The following CSMD3 variants were observed in gnomAD, a reference collection of about 807,000 sequenced individuals.
CSMD3 encodes the protein CUB and Sushi multiple domains 3.
CSMD3 carries 177 observed loss-of-function variants against 435.2 expected under a neutral mutation model. The observed-to-expected ratio is 0.41, with a 90% CI of 0.36 to 0.46. The LOEUF (loss-of-function observed/expected upper bound fraction) is 0.46, where lower values mean the gene tolerates loss of function less well. Among genes scored for constraint, CSMD3 ranks in the 20% least tolerant of loss-of-function variants. The pLI, the probability that CSMD3 is intolerant of heterozygous loss-of-function variation, is 0.34. For missense variants in CSMD3, 4,265 were observed against 4,504.6 expected, an observed-to-expected ratio of 0.95 and a Z score of 1.52; for synonymous variants, 1,656 against 1,520.5, an observed-to-expected ratio of 1.09 and a Z score of -2.07.
intron 13 of CSMD3, among the ~76,000 whole-genome samples, chr8:112,723,908 C>T (rs57061455): frequency 0.014 from 2,096 of 151,940 alleles, 52 homozygotes; most frequent in African/African-American, 0.049. Context: ...CCACTCTAAG[C>T]CATGTATTGT....
At chr8:112,227,998 T>A (rs1394343085) in intron 70 of CSMD3, among the ~76,000 whole-genome samples, 1 of 152,068 alleles carries the variant, frequency 6.6e-6, no homozygotes, top group South Asian at 2.1e-4. Flanking sequence ...GCCGAGATTG[T>A]GCCACTGCAC....
At chr8:112,255,529 GAT>G in intron 61 of CSMD3, 102 bp from the exon 62 acceptor site, 1 of 1,013,966 alleles carries the variant, frequency 9.9e-7, no homozygotes, top group East Asian at 2.5e-5. Context: ...GTACTAAAGA[GAT>G]ATATTATTCA....
At chr8:113,306,426 A>C (rs2093821909) in intron 2 of CSMD3, among the ~76,000 whole-genome samples, 1 of 152,166 alleles carries the variant, frequency 6.6e-6, no homozygotes, top group African/African-American at 2.4e-5. Flanking sequence ...AGGTAGAGTT[A>C]AATCACTGGA....
chr8:112,961,730 A>G (rs1207993873), intron 7 of CSMD3, among the ~76,000 whole-genome samples: 2 of 151,896 alleles, frequency 1.3e-5, no homozygotes, highest in African/African-American at 2.4e-5. Context: ...CTGCAAAACT[A>G]TATAAAAAAT....
At chr8:112,737,774 A>C (rs2077218419) in intron 13 of CSMD3, among the ~76,000 whole-genome samples, 1 of 151,896 alleles carries the variant, frequency 6.6e-6, no homozygotes, top group Non-Finnish European at 1.5e-5. Flanking sequence ...TGATGCCTAC[A>C]ATTCTAAAGG....
At chr8:112,782,467 A>G (rs577773502) in intron 13 of CSMD3, among the ~76,000 whole-genome samples, 1 of 152,222 alleles carries the variant, frequency 6.6e-6, no homozygotes, top group South Asian at 2.1e-4. Context: ...AAATGGGAAA[A>G]TCTAAGAGTT....
At chr8:112,315,174 A>G (rs960416496) in intron 47 of CSMD3, among the ~76,000 whole-genome samples, 3 of 151,884 alleles carry the variant, frequency 2.0e-5, no homozygotes, top group South Asian at 2.1e-4. Context: ...GCTCTACACT[A>G]TCTCCAGCCC....
intron 6 of CSMD3, among the ~76,000 whole-genome samples, chr8:112,996,959 T>G (rs1029333192): frequency 1.3e-5 from 2 of 151,646 alleles, no homozygotes; most frequent in Non-Finnish European, 3.0e-5. Flanking sequence ...GATAAAATGC[T>G]GTCTTCTCAT....
intron 32 of CSMD3, among the ~76,000 whole-genome samples, chr8:112,457,668 G>A (rs1156723595): frequency 6.6e-6 from 1 of 152,024 alleles, no homozygotes; most frequent in African/African-American, 2.4e-5. Context: ...TAGGTGAAGA[G>A]GAACTGGGAA....
intron 11 of CSMD3, among the ~76,000 whole-genome samples, chr8:112,835,735 T>C (rs1223741415): frequency 1.3e-5 from 2 of 151,878 alleles, no homozygotes; most frequent in African/African-American, 4.8e-5. Context: ...GTGGTTGTAA[T>C]ATGTAGTGGC....
chr8:112,309,310 T>C (rs937074678), intron 50 of CSMD3, among the ~76,000 whole-genome samples: 1 of 151,920 alleles, frequency 6.6e-6, no homozygotes, highest in Non-Finnish European at 1.5e-5. Context: ...ATTATATATG[T>C]ATACCATATA....
intron 62 of CSMD3, among the ~76,000 whole-genome samples, chr8:112,254,880 A>G (rs1037593890): frequency 3.9e-5 from 6 of 152,220 alleles, no homozygotes; most frequent in African/African-American, 1.4e-4. Context: ...TATAGTTACA[A>G]TCATTTTGAA....
At chr8:112,507,834 C>T (rs1822692356) in intron 28 of CSMD3, among the ~76,000 whole-genome samples, 4 of 151,998 alleles carry the variant, frequency 2.6e-5, no homozygotes, top group African/African-American at 9.7e-5. Flanking sequence ...CCATGCACCT[C>T]TGCTACTCTT....
intron 5 of CSMD3, among the ~76,000 whole-genome samples, chr8:113,047,424 T>C (rs116564316): frequency 0.032 from 4,895 of 152,328 alleles, 250 homozygotes; most frequent in African/African-American, 0.11. Flanking sequence ...AAAACAAAAG[T>C]GCTATTTGGT....
intron 13 of CSMD3, among the ~76,000 whole-genome samples, chr8:112,799,874 A>G (rs1046949616): frequency 1.4e-4 from 21 of 151,936 alleles, no homozygotes; most frequent in African/African-American, 5.1e-4. Flanking sequence ...TCACATGTCT[A>G]TTTTGGGGAA....
chr8:112,248,662 A>G (rs1231742162), intron 63 of CSMD3, among the ~76,000 whole-genome samples: 2 of 152,118 alleles, frequency 1.3e-5, no homozygotes, highest in African/African-American at 4.8e-5. Context: ...ATAAGAAGCT[A>G]AGCTTAAGAT....
chr8:112,676,629 T>A (rs1267045157), intron 16 of CSMD3, among the ~76,000 whole-genome samples: 1 of 152,140 alleles, frequency 6.6e-6, no homozygotes, highest in Non-Finnish European at 1.5e-5. Flanking sequence ...ACTTTCAATC[T>A]ACATGAGTAT....
chr8:112,854,285 CT>C (rs2080583610), intron 11 of CSMD3, among the ~76,000 whole-genome samples: 1 of 152,064 alleles, frequency 6.6e-6, no homozygotes, highest in Non-Finnish European at 1.5e-5. Flanking sequence ...GAGTGGTTTG[CT>C]TATTTTTTGG....
In CSMD3 at chr8:112,685,614, C is replaced by T. The variant is rs367583661; in HGVS notation, c.2274G>A (p.Arg758=). The change falls in exon 15 of 71, where the codon CGG becomes CGA. Residue 758 remains arginine (R), a synonymous_variant. Transcript: ENST00000297405. Reference sequence around the variant, plus strand: ...CAAAGTCATTGAAAGAAAGATGTATCCGGCTCCCTGGATCAGAGATTATCG... The same window carrying T: ...CAAAGTCATTGAAAGAAAGATGTATTCGGCTCCCTGGATCAGAGATTATCG... ...IWTIISDPGS[R]IHLSFNDFDL... 2 of 1,613,736 alleles carry T rather than the reference C, an allele frequency of 1.2e-6. No homozygotes were observed. Among genetic ancestry groups the T allele is most frequent in the Admixed American group, 1.7e-5 (1 of 59,970 alleles).
Sources: allele counts gnomAD v4.1 joint callset (sites outside exome capture counted in the v4.1 genomes callset), GRCh38; gene constraint gnomAD v4.1.1; transcripts MANE v1.5; gene names NCBI Gene and HGNC (gene_info 2026-07-23, HGNC 2026-07-21).